The following FAM184B variants were observed in gnomAD, a reference collection of about 807,000 sequenced individuals.
FAM184B encodes the protein family with sequence similarity 184 member B, also known as protein FAM184B.
In FAM184B, 111 loss-of-function variants were observed where a neutral mutation model predicts 135.9. That is an observed-to-expected ratio of 0.82 (90% CI 0.70 to 0.96). The LOEUF is 0.96. Ranked by LOEUF, FAM184B falls within the 40% of genes least tolerant of loss-of-function variation. The probability of loss-of-function intolerance (pLI) is 0.00; values close to 1 mark genes in which losing one functional copy is unlikely to be tolerated. For synonymous variants in FAM184B, 552 were observed against 524.8 expected (o/e 1.05, Z -0.71); for missense variants, 1,375 against 1,323.9 (o/e 1.04, Z -0.60).
At chr4:17,765,762 G>C (rs781302273) in intron 1 of FAM184B, among the ~76,000 whole-genome samples, 3 of 152,144 alleles carry the variant, frequency 2.0e-5, no homozygotes, top group Non-Finnish European at 2.9e-5. Flanking sequence ...ATAAAGCCAC[G>C]GACCCTCCTG....
intron 3 of FAM184B, 72 bp downstream of exon 3, chr4:17,707,577 C>T (rs1717146611): frequency 6.5e-7 from 1 of 1,530,080 alleles, no homozygotes; most frequent in Non-Finnish European, 8.8e-7. Flanking sequence ...CAGGCTTAGG[C>T]TGCCAGTAGC....
intron 17 of FAM184B, 55 bp downstream of exon 17, chr4:17,633,634 C>G: frequency 7.3e-7 from 1 of 1,369,502 alleles, no homozygotes; most frequent in Non-Finnish European, 9.5e-7. Flanking sequence ...TCCTACTTCC[C>G]CTCTTATCTA....
At chr4:17,744,937 T>C (rs1293635850) in intron 1 of FAM184B, among the ~76,000 whole-genome samples, 1 of 152,182 alleles carries the variant, frequency 6.6e-6, no homozygotes, top group Non-Finnish European at 1.5e-5. Flanking sequence ...AAGGAGGCAG[T>C]AGGACGCATG....
intron 6 of FAM184B, among the ~76,000 whole-genome samples, chr4:17,688,882 G>A (rs185333377): frequency 2.0e-5 from 3 of 151,780 alleles, no homozygotes; most frequent in Admixed American, 6.6e-5. Context: ...TAGTAGAAAC[G>A]GGGTTTCACC....
chr4:17,643,181 C>T (rs1415083614), intron 12 of FAM184B, among the ~76,000 whole-genome samples: 2 of 152,192 alleles, frequency 1.3e-5, no homozygotes, highest in African/African-American at 4.8e-5. Flanking sequence ...GCATTCCCCT[C>T]TTGGGTCTCT....
intron 5 of FAM184B, among the ~76,000 whole-genome samples, chr4:17,703,930 A>G (rs1692184987): frequency 5.4e-5 from 1 of 18,408 alleles, no homozygotes; most frequent in Non-Finnish European, 3.4e-4. Flanking sequence ...ACTCCGTTTC[A>G]AAAAAAAAAA....
chr4:17,647,470 G>A (rs895554233), intron 12 of FAM184B, among the ~76,000 whole-genome samples, 167 bp downstream of exon 12: 1 of 151,976 alleles, frequency 6.6e-6, no homozygotes, highest in South Asian at 2.1e-4. Context: ...GGCTGGTCTT[G>A]AAATCCTGGC....
chr4:17,775,768 T>A (rs796691165), intron 1 of FAM184B, among the ~76,000 whole-genome samples: 4 of 152,292 alleles, frequency 2.6e-5, no homozygotes, highest in African/African-American at 9.6e-5. Context: ...TATCACATGT[T>A]CTCACTTGCA....
intron 1 of FAM184B, among the ~76,000 whole-genome samples, chr4:17,723,733 A>G (rs901628265): frequency 6.6e-6 from 1 of 152,228 alleles, no homozygotes; most frequent in Non-Finnish European, 1.5e-5. Context: ...TCTAGGCAGG[A>G]CACGGAGCAA....
rs1226346750 is a variant in FAM184B at position 17,629,670 on chromosome 4, T to G, written c.*2862A>C. ...TCTCTCTCTTAACTTAATCCCGAAT[T>G]GGATAATTTCTCTTCATCTTCACTG... is the stretch of plus-strand genomic sequence containing the variant. On this transcript the variant is annotated 3_prime_UTR_variant, in exon 18 of 18. Coordinates refer to ENST00000265018, the MANE Select transcript of FAM184B (RefSeq NM_015688.2). The G allele has an allele frequency of 6.6e-6, 1 of 152,226 alleles. No individual in the cohort carries two copies. Among genetic ancestry groups the G allele is most frequent in the Non-Finnish European group, 1.5e-5 (1 of 68,042 alleles). 9.4% of individuals were successfully genotyped at this position (152,226 alleles called of 1,614,324 possible).
At chr4:17,759,821 T>C (rs1366614434) in intron 1 of FAM184B, among the ~76,000 whole-genome samples, 1 of 152,158 alleles carries the variant, frequency 6.6e-6, no homozygotes, top group Non-Finnish European at 1.5e-5. Context: ...TTAAAGCTCA[T>C]TCAAAAAAGT....
intron 14 of FAM184B, among the ~76,000 whole-genome samples, chr4:17,637,385 G>T (rs1049528972): frequency 1.3e-4 from 20 of 152,208 alleles, no homozygotes; most frequent in Non-Finnish European, 2.8e-4. Context: ...GGAGAGGAGG[G>T]CTGGGGGTGC....
intron 5 of FAM184B, among the ~76,000 whole-genome samples, 156 bp downstream of exon 5, chr4:17,704,844 T>A (rs531670295): frequency 1.3e-5 from 2 of 152,330 alleles, no homozygotes; most frequent in African/African-American, 4.8e-5. Flanking sequence ...CATAACTGTA[T>A]GTTTCATCTG....
chr4:17,777,764 G>A (rs1718956008), intron 1 of FAM184B, among the ~76,000 whole-genome samples: 1 of 152,122 alleles, frequency 6.6e-6, no homozygotes, highest in South Asian at 2.1e-4. Flanking sequence ...GATAATGGAG[G>A]TAATGGCTAG....
At chr4:17,701,058 T>G (rs1308998523) in intron 5 of FAM184B, among the ~76,000 whole-genome samples, 1 of 152,174 alleles carries the variant, frequency 6.6e-6, no homozygotes, top group Non-Finnish European at 1.5e-5. Context: ...GATTTGACAG[T>G]GAGACTGCTC....
chr4:17,645,712 C>G (rs1384646806), intron 12 of FAM184B, among the ~76,000 whole-genome samples: 2 of 151,766 alleles, frequency 1.3e-5, no homozygotes, highest in Non-Finnish European at 2.9e-5. Context: ...GCAACAAAAG[C>G]CAAAATTGAC....
intron 2 of FAM184B, among the ~76,000 whole-genome samples, chr4:17,708,381 G>A (rs1169052189): frequency 6.6e-6 from 1 of 151,778 alleles, no homozygotes; most frequent in African/African-American, 2.4e-5. Context: ...GCAGTGGCTC[G>A]AGTCTGTAAT....
intron 13 of FAM184B, among the ~76,000 whole-genome samples, chr4:17,641,056 C>T (rs2108929958): frequency 6.6e-6 from 1 of 152,292 alleles, no homozygotes; most frequent in East Asian, 1.9e-4. Flanking sequence ...TCACCAACCT[C>T]CCGAGTAGCC....
rs576793908 is a variant in FAM184B at position 17,768,580 on chromosome 4, C to T, written c.141+12579G>A. Among the ~76,000 whole-genome samples, 13 of 151,526 alleles carry T rather than the reference C, an allele frequency of 8.6e-5. No individual in the cohort carries two copies. In the South Asian group the frequency reaches 2.5e-3, roughly 29 times the overall value. On this transcript the variant is annotated intron_variant, in intron 1 of 17. Transcript: ENST00000265018. ...ATGAGCCACCATGCCAGCCTTCTGA[C>T]CCCTTTATAAGTTTTAAAATAATAT...
Sources: gnomAD v4.1 joint callset for allele counts (sites outside exome capture counted in the v4.1 genomes callset) on GRCh38, gnomAD v4.1.1 for gene constraint, MANE v1.5 for transcripts, NCBI Gene and HGNC (gene_info 2026-07-23, HGNC 2026-07-21) for gene names.